The following CNTNAP2 variants were observed in gnomAD, a reference collection of about 807,000 sequenced individuals.
The protein encoded by CNTNAP2 is contactin associated protein 2.
In CNTNAP2, 98 loss-of-function variants were observed where a neutral mutation model predicts 155.2. That is an observed-to-expected ratio of 0.63 (90% CI 0.54 to 0.75). The LOEUF is 0.75. Among genes scored for constraint, CNTNAP2 ranks in the 30% least tolerant of loss-of-function variants. The probability of loss-of-function intolerance (pLI) is 0.00; values close to 1 mark genes in which losing one functional copy is unlikely to be tolerated. For synonymous variants in CNTNAP2, 651 were observed against 631.2 expected (o/e 1.03, Z -0.47); for missense variants, 1,727 against 1,688.1 (o/e 1.02, Z -0.40).
At chr7:148,253,055 T>TAGATAGATAGATAGATAGATA (rs57134961) in intron 20 of CNTNAP2, among the ~76,000 whole-genome samples, 15 of 138,798 alleles carry the variant, frequency 1.1e-4, no homozygotes, top group African/African-American at 3.2e-4. Flanking sequence ...GATAGACAGA[T>TAGATAGATAGATAGATAGATA]GATAGATAGA....
intron 1 of CNTNAP2, among the ~76,000 whole-genome samples, chr7:146,601,693 C>T (rs1219308202): frequency 6.6e-6 from 1 of 151,960 alleles, no homozygotes; most frequent in African/African-American, 2.4e-5. Flanking sequence ...AGAGCTAGCT[C>T]TATAAGATAT....
At chr7:146,868,309 G>T (rs1373564379) in intron 3 of CNTNAP2, among the ~76,000 whole-genome samples, 1 of 152,018 alleles carries the variant, frequency 6.6e-6, no homozygotes, top group Non-Finnish European at 1.5e-5. Flanking sequence ...TCATCTTTGT[G>T]AAAGATCAGA....
chr7:147,755,238 T>C (rs1305731201), intron 13 of CNTNAP2, among the ~76,000 whole-genome samples: 1 of 152,186 alleles, frequency 6.6e-6, no homozygotes, highest in African/African-American at 2.4e-5. Context: ...TTCCTGGGCA[T>C]CACCTCTGTA....
At chr7:147,466,314 A>G (rs974270064) in intron 10 of CNTNAP2, among the ~76,000 whole-genome samples, 5 of 152,200 alleles carry the variant, frequency 3.3e-5, no homozygotes, top group Non-Finnish European at 5.9e-5. Flanking sequence ...TTTATGACCT[A>G]CAGTCAAACA....
chr7:146,317,483 T>C (rs992294372), intron 1 of CNTNAP2, among the ~76,000 whole-genome samples: 1 of 152,228 alleles, frequency 6.6e-6, no homozygotes, highest in Admixed American at 6.5e-5. Flanking sequence ...CTTTCAGCAG[T>C]AGCAATTTAT....
Position 147,293,210 on chromosome 7 carries a change from A to C in CNTNAP2, c.1349-6931A>C, listed in dbSNP as rs139452716. 4.6e-3 allele frequency among the ~76,000 whole-genome samples: 697 copies of C among 152,328 alleles called. 9 individuals carry two copies. Among genetic ancestry groups the C allele is most frequent in the Middle Eastern group, 0.037 (11 of 294 alleles). On this transcript the variant is annotated intron_variant, in intron 8 of 23. Transcript: ENST00000361727. The stretch of plus-strand genomic sequence containing the variant: ...CCAAAGTGACTCTTTGTAACTTTAC[A>C]ATAAGGCATTTGGCAGTTTCTTTAT...
At chr7:147,470,104 T>C (rs1798190713) in intron 10 of CNTNAP2, among the ~76,000 whole-genome samples, 1 of 152,160 alleles carries the variant, frequency 6.6e-6, no homozygotes, top group Non-Finnish European at 1.5e-5. Flanking sequence ...AGCTTTCTTT[T>C]ACTCAGGTAG....
At chr7:148,098,188 G>A (rs1804012816) in intron 15 of CNTNAP2, among the ~76,000 whole-genome samples, 1 of 152,050 alleles carries the variant, frequency 6.6e-6, no homozygotes, top group Non-Finnish European at 1.5e-5. Flanking sequence ...GCTCACGCCT[G>A]TAGTCCCAGC....
chr7:146,902,313 T>A (rs930827780), intron 3 of CNTNAP2, among the ~76,000 whole-genome samples: 1 of 152,200 alleles, frequency 6.6e-6, no homozygotes, highest in African/African-American at 2.4e-5. Context: ...CTCTTCTGAA[T>A]CTAAAGAATG....
At chr7:146,668,255 T>C (rs1211102131) in intron 1 of CNTNAP2, among the ~76,000 whole-genome samples, 1 of 152,196 alleles carries the variant, frequency 6.6e-6, no homozygotes, top group African/African-American at 2.4e-5. Context: ...ATTATATTGA[T>C]TTAATGTATG....
At chr7:146,648,577 A>G (rs1290146512) in intron 1 of CNTNAP2, among the ~76,000 whole-genome samples, 1 of 152,140 alleles carries the variant, frequency 6.6e-6, no homozygotes, top group Admixed American at 6.6e-5. Flanking sequence ...AAGAGACCAA[A>G]TAGATTTATG....
At chr7:147,851,675 C>G (rs1798944173) in intron 13 of CNTNAP2, among the ~76,000 whole-genome samples, 1 of 150,412 alleles carries the variant, frequency 6.6e-6, no homozygotes, top group African/African-American at 2.5e-5. Flanking sequence ...AAACCAAACA[C>G]CACGTGTTCT....
intron 12 of CNTNAP2, among the ~76,000 whole-genome samples, chr7:147,627,552 G>C (rs111582837): frequency 6.6e-6 from 1 of 151,690 alleles, no homozygotes; most frequent in African/African-American, 2.4e-5. Flanking sequence ...AAAAAGTTTG[G>C]TGTGTGGTGG....
intron 3 of CNTNAP2, among the ~76,000 whole-genome samples, chr7:146,841,730 C>T (rs1175640873): frequency 6.6e-6 from 1 of 152,110 alleles, no homozygotes; most frequent in East Asian, 1.9e-4. Flanking sequence ...CAAATCTCCT[C>T]TCCTCTCATA....
At chr7:147,689,297 G>A (rs73472821) in intron 13 of CNTNAP2, among the ~76,000 whole-genome samples, 4 of 151,734 alleles carry the variant, frequency 2.6e-5, no homozygotes, top group Non-Finnish European at 5.9e-5. Context: ...TTACAGTTAC[G>A]CACCACCAAG....
chr7:146,233,835 T>C (rs1025652966), intron 1 of CNTNAP2, among the ~76,000 whole-genome samples: 1 of 151,452 alleles, frequency 6.6e-6, no homozygotes, highest in Non-Finnish European at 1.5e-5. Flanking sequence ...ATGGTGTATA[T>C]GTGCCACATT....
At chr7:147,318,905 A>T (rs1795289584) in intron 9 of CNTNAP2, among the ~76,000 whole-genome samples, 1 of 152,122 alleles carries the variant, frequency 6.6e-6, no homozygotes, top group Non-Finnish European at 1.5e-5. Context: ...CATGTCTTTA[A>T]TTTTTTCTAA....
At chr7:146,824,697 C>G (rs1009909196) in intron 2 of CNTNAP2, among the ~76,000 whole-genome samples, 1 of 151,786 alleles carries the variant, frequency 6.6e-6, no homozygotes, top group African/African-American at 2.4e-5. Context: ...TGATTCTAGT[C>G]CAGTATGCTT....
At chr7:146,496,692 G>A (rs34795421) in intron 1 of CNTNAP2, among the ~76,000 whole-genome samples, 3 of 152,044 alleles carry the variant, frequency 2.0e-5, no homozygotes, top group Non-Finnish European at 4.4e-5. Context: ...GATCAAAGAC[G>A]AAATCCATGT....
Sources: gnomAD v4.1 joint callset for allele counts (sites outside exome capture counted in the v4.1 genomes callset) on GRCh38, gnomAD v4.1.1 for gene constraint, MANE v1.5 for transcripts, NCBI Gene and HGNC (gene_info 2026-07-23, HGNC 2026-07-21) for gene names.